Variants in CD200R1L observed in about 807,000 individuals in gnomAD.
CD200R1L encodes the protein CD200 receptor 1 like, also known as cell surface glycoprotein CD200 receptor 2.
CD200R1L carries 14 observed loss-of-function variants against 24.8 expected under a neutral mutation model. The ratio of observed to expected loss-of-function variants is 0.56; its 90% CI spans 0.37 to 0.88. The LOEUF is 0.88. Ranked by LOEUF, CD200R1L falls within the 40% of genes least tolerant of loss-of-function variation. CD200R1L has a pLI of 0.00. For synonymous variants in CD200R1L, 111 were observed against 109.2 expected, an observed-to-expected ratio of 1.02 and a Z score of -0.11; for missense variants, 299 against 297.8, an observed-to-expected ratio of 1.00 and a Z score of -0.03.
At chr3:112,832,981 C>A (rs1240615943) in intron 3 of CD200R1L, among the ~76,000 whole-genome samples, 2 of 152,180 alleles carry the variant, frequency 1.3e-5, no homozygotes, top group African/African-American at 4.8e-5. Context: ...ATTATGAATA[C>A]CTTAGTTAAT....
chr3:112,830,863 G>A (rs908674045), intron 3 of CD200R1L, among the ~76,000 whole-genome samples: 1 of 145,996 alleles, frequency 6.8e-6, no homozygotes, highest in South Asian at 2.2e-4. Context: ...CTCTTTTAGA[G>A]GAGTTAGGTT....
chr3:112,838,992 T>A (rs2107351178), intron 2 of CD200R1L, among the ~76,000 whole-genome samples: 1 of 152,280 alleles, frequency 6.6e-6, no homozygotes, highest in African/African-American at 2.4e-5. Context: ...AAGTCCACCC[T>A]AAAAATTTCA....
rs1260928322 is a variant in CD200R1L, at chr3:112,819,829, A to C, written c.683T>G (p.Phe228Cys). Residue 228 changes from phenylalanine (F) to cysteine (C), a missense_variant, in exon 7 of 8, where the codon TTT becomes TGT. Transcript: ENST00000488794. ...TCCTGTGGTGACCAGAATGACCACA[A>C]AAAGAGAGAGTTTCACATAAAGAAT... is the stretch of plus-strand genomic sequence containing the variant. ...LIILYVKLSL[F>C]VVILVTTGFV... 6 of 1,611,940 alleles carry C rather than the reference A, an allele frequency of 3.7e-6. No individual in the cohort carries two copies. The South Asian group carries it at 6.6e-5, about 18-fold the overall frequency.
intron 3 of CD200R1L, among the ~76,000 whole-genome samples, chr3:112,835,174 C>T (rs551519197): frequency 8.5e-5 from 13 of 152,270 alleles, no homozygotes; most frequent in Admixed American, 2.0e-4. Flanking sequence ...AAGTGGAGGG[C>T]GAGCAAGGTT....
intron 2 of CD200R1L, among the ~76,000 whole-genome samples, chr3:112,839,421 T>A (rs531161467): frequency 3.9e-4 from 60 of 152,348 alleles, no homozygotes; most frequent in Admixed American, 1.2e-3. Flanking sequence ...AACATTTACA[T>A]ATAACAAGAT....
At chr3:112,830,474 C>A (rs1346636726) in intron 3 of CD200R1L, among the ~76,000 whole-genome samples, 2 of 147,332 alleles carry the variant, frequency 1.4e-5, no homozygotes, top group Non-Finnish European at 3.0e-5. Flanking sequence ...GACTGGAGGC[C>A]TACGTTATAC....
chr3:112,826,889 C>A, intron 6 of CD200R1L, 104 bp downstream of exon 6: 1 of 1,323,352 alleles, frequency 7.6e-7, no homozygotes, highest in Non-Finnish European at 1.0e-6. Context: ...TATTTTCAAG[C>A]TAGGAGCTCA....
chr3:112,823,949 G>C (rs1191202037), intron 6 of CD200R1L, among the ~76,000 whole-genome samples: 1 of 152,174 alleles, frequency 6.6e-6, no homozygotes, highest in Non-Finnish European at 1.5e-5. Context: ...AAAGTGTTTA[G>C]CTCAATACGA....
At chr3:112,844,454 A>G (rs1288504845) in intron 2 of CD200R1L, among the ~76,000 whole-genome samples, 1 of 152,248 alleles carries the variant, frequency 6.6e-6, no homozygotes, top group Non-Finnish European at 1.5e-5. Flanking sequence ...AGTTTTGGGT[A>G]GACAATAAAA....
intron 7 of CD200R1L, 57 bp from the exon 8 acceptor site, chr3:112,816,032 T>G: frequency 1.3e-6 from 1 of 774,334 alleles, no homozygotes; most frequent in Admixed American, 1.7e-5. Context: ...CTTATGCAAG[T>G]GGGCATACTC....
At chr3:112,818,153 C>T (rs1350475436) in intron 7 of CD200R1L, among the ~76,000 whole-genome samples, 4 of 152,158 alleles carry the variant, frequency 2.6e-5, no homozygotes, top group Non-Finnish European at 4.4e-5. Context: ...AACATATCAA[C>T]TTGCTACTTT....
intron 6 of CD200R1L, among the ~76,000 whole-genome samples, chr3:112,825,109 G>C (rs1177626473): frequency 2.0e-5 from 3 of 151,950 alleles, no homozygotes; most frequent in African/African-American, 7.2e-5. Context: ...CGTGGTGGTG[G>C]GCGCCTGTAG....
chr3:112,844,652 C>T lies in CD200R1L; in HGVS notation c.-87+1027G>A, dbSNP rs1296628662. Among the ~76,000 whole-genome samples, 18 of 152,258 alleles carry T rather than the reference C, an allele frequency of 1.2e-4. No homozygotes were observed. The East Asian group carries it at 1.7e-3, about 15-fold the overall frequency. On this transcript the variant is annotated intron_variant, in intron 2 of 7. Coordinates refer to ENST00000488794, the MANE Select transcript of CD200R1L (RefSeq NM_001199215.3). ...CTTAGAAGAACTAGAAAAGGCCGCG[C>T]GTGGTGGCTCACGCCTGTAATCCCA...
chr3:112,832,696 A>G (rs566362242), intron 3 of CD200R1L, among the ~76,000 whole-genome samples: 55 of 152,348 alleles, frequency 3.6e-4, no homozygotes, highest in African/African-American at 1.3e-3. Context: ...CAGATAAGCT[A>G]TCTTTACTAG....
chr3:112,837,952 A>G lies in CD200R1L; in HGVS notation c.-28T>C. On this transcript the variant is annotated 5_prime_UTR_variant, in exon 3 of 8. Coordinates refer to ENST00000488794, the MANE Select transcript of CD200R1L (RefSeq NM_001199215.3). The stretch of plus-strand genomic sequence containing the variant: ...AAGTGAGCATTTTACCTTCATTAAG[A>G]CGTATTCTCTAACTTTGTATTTCCA... 1.6e-6 allele frequency: 2 copies of G among 1,231,194 alleles called. No homozygotes were observed. The highest frequency in any genetic ancestry group is 2.1e-6 in the Non-Finnish European group (2 of 962,768). 76.3% of individuals were successfully genotyped at this position (1,231,194 alleles called of 1,614,324 possible). A position where few individuals can be genotyped will look rare whatever the true frequency, so the allele number is the denominator to read the frequency against.
chr3:112,838,536 A>G (rs1939013744), intron 2 of CD200R1L, among the ~76,000 whole-genome samples: 1 of 152,100 alleles, frequency 6.6e-6, no homozygotes, highest in Admixed American at 6.5e-5. Flanking sequence ...AATGACAAAG[A>G]AACAGGAAAC....
At chr3:112,832,465 T>A (rs1034386033) in intron 3 of CD200R1L, among the ~76,000 whole-genome samples, 1 of 151,854 alleles carries the variant, frequency 6.6e-6, no homozygotes, top group Non-Finnish European at 1.5e-5. Flanking sequence ...CCAAGATAAA[T>A]CCCCCAAACC....
chr3:112,816,765 C>T (rs1938405246), intron 7 of CD200R1L, among the ~76,000 whole-genome samples: 1 of 152,126 alleles, frequency 6.6e-6, no homozygotes, highest in Non-Finnish European at 1.5e-5. Flanking sequence ...ATTGTAGCTC[C>T]CATATGGGAG....
chr3:112,829,531 G>A (rs567634422), intron 3 of CD200R1L, 147 bp from the exon 4 acceptor site: 30 of 1,292,996 alleles, frequency 2.3e-5, no homozygotes, highest in East Asian at 1.5e-4. Context: ...ACAGAAATTA[G>A]AAGTTATGCC....
Sources: allele counts gnomAD v4.1 joint callset (sites outside exome capture counted in the v4.1 genomes callset), GRCh38; gene constraint gnomAD v4.1.1; transcripts MANE v1.5; gene names NCBI Gene and HGNC (gene_info 2026-07-23, HGNC 2026-07-21).